The following FAM13A variants were observed in gnomAD, a reference collection of about 807,000 sequenced individuals.
FAM13A encodes the protein family with sequence similarity 13 member A.
A neutral mutation model predicts 129.6 loss-of-function variants in FAM13A; 76 were observed. The ratio of observed to expected loss-of-function variants is 0.59; its 90% CI spans 0.49 to 0.71. The LOEUF is 0.71. Ranked by LOEUF, FAM13A falls within the 30% of genes least tolerant of loss-of-function variation. FAM13A has a pLI of 0.00. For missense variants in FAM13A, 1,108 were observed against 1,249.3 expected, an observed-to-expected ratio of 0.89 and a Z score of 1.70; for synonymous variants, 443 against 449.9, an observed-to-expected ratio of 0.98 and a Z score of 0.20.
At chr4:88,785,201 A>T (rs972816003) in intron 10 of FAM13A, among the ~76,000 whole-genome samples, 1 of 152,166 alleles carries the variant, frequency 6.6e-6, no homozygotes, top group Non-Finnish European at 1.5e-5. Flanking sequence ...AAAATAATAG[A>T]TAATAATATA....
chr4:88,881,044 T>A (rs1427295111), intron 6 of FAM13A, among the ~76,000 whole-genome samples: 2 of 152,130 alleles, frequency 1.3e-5, no homozygotes. Context: ...CCACCAGCCC[T>A]GGTAGCTGAA....
At chr4:88,846,116 T>A (rs1193845657) in intron 7 of FAM13A, among the ~76,000 whole-genome samples, 1 of 152,194 alleles carries the variant, frequency 6.6e-6, no homozygotes, top group Non-Finnish European at 1.5e-5. Context: ...AAACTTTCAT[T>A]AATTGTCAGC....
At chr4:88,974,617 C>T (rs372999393) in intron 4 of FAM13A, among the ~76,000 whole-genome samples, 10 of 152,244 alleles carry the variant, frequency 6.6e-5, no homozygotes, top group Non-Finnish European at 1.2e-4. Flanking sequence ...GCTGGGATTA[C>T]AGGCACCCGC....
intron 2 of FAM13A, among the ~76,000 whole-genome samples, chr4:89,023,928 TC>T: frequency 6.6e-6 from 1 of 152,292 alleles, no homozygotes; most frequent in South Asian, 2.1e-4. Context: ...ACAAAAATAT[TC>T]AGAAAAGGGG....
chr4:88,840,793 T>A (rs1735678681), intron 7 of FAM13A, among the ~76,000 whole-genome samples: 1 of 152,010 alleles, frequency 6.6e-6, no homozygotes, highest in Non-Finnish European at 1.5e-5. Context: ...AAAATGAAGG[T>A]GGGAGGGAGA....
chr4:88,945,156 G>A (rs1277810035), intron 4 of FAM13A, among the ~76,000 whole-genome samples: 1 of 152,156 alleles, frequency 6.6e-6, no homozygotes, highest in Non-Finnish European at 1.5e-5. Flanking sequence ...TTGTAGCTCT[G>A]TTCATTGTTT....
intron 6 of FAM13A, among the ~76,000 whole-genome samples, chr4:88,876,487 G>T (rs10516823): frequency 6.6e-6 from 1 of 151,954 alleles, no homozygotes; most frequent in Non-Finnish European, 1.5e-5. Flanking sequence ...AATAAAAAAC[G>T]ATGTAAAACA....
intron 4 of FAM13A, among the ~76,000 whole-genome samples, chr4:88,958,713 C>T (rs1452570395): frequency 3.3e-5 from 5 of 152,164 alleles, no homozygotes; most frequent in East Asian, 1.9e-4. Context: ...TGGAGCCCCC[C>T]GACAGAGTCC....
chr4:88,806,069 A>G (rs1158108743), intron 7 of FAM13A, among the ~76,000 whole-genome samples: 1 of 152,116 alleles, frequency 6.6e-6, no homozygotes, highest in Non-Finnish European at 1.5e-5. Context: ...GTATAGAATG[A>G]ATCCCTCCCC....
At chr4:89,045,326 A>T (rs1311865454) in intron 1 of FAM13A, among the ~76,000 whole-genome samples, 2 of 152,190 alleles carry the variant, frequency 1.3e-5, no homozygotes, top group Admixed American at 6.5e-5. Flanking sequence ...AGAGGAAATG[A>T]GGAAAGTAGA....
At chr4:88,796,690 GCAAATGGTATAGTT>G (rs1273312156) in intron 8 of FAM13A, among the ~76,000 whole-genome samples, 1 of 148,706 alleles carries the variant, frequency 6.7e-6, no homozygotes, top group African/African-American at 2.5e-5. Flanking sequence ...TGACTCTTTT[GCAAATGGTATAGTT>G]CAACTAGGTT....
chr4:89,003,426 C>T (rs371508129), intron 3 of FAM13A, among the ~76,000 whole-genome samples: 8 of 152,090 alleles, frequency 5.3e-5, no homozygotes, highest in African/African-American at 1.9e-4. Flanking sequence ...GCCTGGCCAA[C>T]ATGGGGAAAC....
intron 10 of FAM13A, among the ~76,000 whole-genome samples, chr4:88,785,273 GAAT>G (rs1206281302): frequency 1.6e-4 from 24 of 152,202 alleles, no homozygotes; most frequent in Non-Finnish European, 3.1e-4. Context: ...GTTTTGAATA[GAAT>G]ATTACAGCCT....
At chr4:89,005,599 T>A (rs907913774) in intron 3 of FAM13A, among the ~76,000 whole-genome samples, 4 of 152,210 alleles carry the variant, frequency 2.6e-5, no homozygotes, top group Non-Finnish European at 5.9e-5. Context: ...GACTTCTTAG[T>A]AATAGCCATC....
chr4:88,892,876 A>T (rs148781888), intron 6 of FAM13A, among the ~76,000 whole-genome samples: 7 of 151,800 alleles, frequency 4.6e-5, no homozygotes, highest in South Asian at 4.2e-4. Flanking sequence ...TTGATACAAT[A>T]TTGATTTATT....
intron 3 of FAM13A, among the ~76,000 whole-genome samples, chr4:89,018,240 T>C (rs1015176856): frequency 1.2e-4 from 18 of 152,124 alleles, no homozygotes; most frequent in African/African-American, 3.6e-4. Flanking sequence ...CCTAATCCAA[T>C]AGGACTAGTG....
At chr4:88,991,836 T>C (rs767288764) in intron 3 of FAM13A, among the ~76,000 whole-genome samples, 13 of 152,152 alleles carry the variant, frequency 8.5e-5, no homozygotes, top group Admixed American at 2.0e-4. Context: ...AACTAAGCCC[T>C]GTTCTGGGCA....
intron 7 of FAM13A, among the ~76,000 whole-genome samples, chr4:88,810,110 G>C (rs1729375825): frequency 6.6e-6 from 1 of 152,112 alleles, no homozygotes. Flanking sequence ...TAAATGCAAA[G>C]AGCTGAAGTT....
intron 2 of FAM13A, among the ~76,000 whole-genome samples, chr4:89,026,888 A>ATTC (rs1768035192): frequency 6.6e-6 from 1 of 152,218 alleles, no homozygotes; most frequent in African/African-American, 2.4e-5. Context: ...CATCAGCAGA[A>ATTC]TGAATAATCT....
Sources: allele counts gnomAD v4.1 joint callset (sites outside exome capture counted in the v4.1 genomes callset), GRCh38; gene constraint gnomAD v4.1.1; transcripts MANE v1.5; gene names NCBI Gene and HGNC (gene_info 2026-07-23, HGNC 2026-07-21).